SPAG16: variants seen among roughly 807,000 people sequenced by gnomAD.
SPAG16 encodes the protein sperm associated antigen 16, also known as sperm-associated antigen 16 protein.
Under a neutral mutation model 80.4 loss-of-function variants are expected in SPAG16, and 86 were observed. The ratio of observed to expected loss-of-function variants is 1.07; its 90% CI spans 0.90 to 1.28. The LOEUF (loss-of-function observed/expected upper bound fraction) is 1.28, where lower values mean the gene tolerates loss of function less well. Among genes scored for constraint, SPAG16 ranks in the 50% most tolerant of loss-of-function variants. The pLI is 0.00. For synonymous variants in SPAG16, 294 were observed against 265.9 expected (o/e 1.11, Z -1.03); for missense variants, 870 against 765.3 (o/e 1.14, Z -1.61).
intron 10 of SPAG16, among the ~76,000 whole-genome samples, chr2:213,647,875 G>A (rs920887546): frequency 6.6e-6 from 1 of 152,202 alleles, no homozygotes; most frequent in South Asian, 2.1e-4. Flanking sequence ...AGGCTCAGTT[G>A]CCTCCTTCAA....
chr2:213,307,770 C>T (rs2063011981), intron 3 of SPAG16, among the ~76,000 whole-genome samples: 1 of 151,998 alleles, frequency 6.6e-6, no homozygotes, highest in Non-Finnish European at 1.5e-5. Context: ...CACTGACTTC[C>T]ACAATGGTTG....
chr2:213,852,157 G>T (rs1385748019), intron 10 of SPAG16, among the ~76,000 whole-genome samples: 1 of 152,142 alleles, frequency 6.6e-6, no homozygotes, highest in African/African-American at 2.4e-5. Context: ...GAGGACAACT[G>T]TGAGTTGACC....
At chr2:214,361,112 A>C (rs1166258426) in intron 15 of SPAG16, among the ~76,000 whole-genome samples, 3 of 151,878 alleles carry the variant, frequency 2.0e-5, no homozygotes, top group Non-Finnish European at 4.4e-5. Flanking sequence ...GCTTTTAGGT[A>C]GATAGGGAAA....
At chr2:213,483,392 G>A (rs572173317) in intron 9 of SPAG16, among the ~76,000 whole-genome samples, 2 of 152,278 alleles carry the variant, frequency 1.3e-5, no homozygotes, top group South Asian at 4.1e-4. Context: ...TTTCTAGAAA[G>A]TTTGCATTAT....
Position 214,082,417 on chromosome 2 carries a change from G to A in SPAG16, c.1528-25779G>A, listed in dbSNP as rs541334448. On this transcript the variant is annotated intron_variant, in intron 13 of 15. Transcript: ENST00000331683. Reference sequence around the variant, plus strand: ...CTCATGACTTTTGGGAACCTGATACGTTGACTCTTAATACTACTTTAGTTA... The same window carrying A: ...CTCATGACTTTTGGGAACCTGATACATTGACTCTTAATACTACTTTAGTTA... Among the ~76,000 whole-genome samples the A allele has an allele frequency of 5.8e-4, 89 of 152,226 alleles. No homozygotes were observed. The South Asian group carries it at 0.015, about 26-fold the overall frequency.
At chr2:214,371,340 C>T (rs979020693) in intron 15 of SPAG16, among the ~76,000 whole-genome samples, 1 of 151,894 alleles carries the variant, frequency 6.6e-6, no homozygotes, top group African/African-American at 2.4e-5. Context: ...CAAGACCAGC[C>T]TGACCAACAT....
chr2:214,080,634 T>G (rs561996308), intron 13 of SPAG16, among the ~76,000 whole-genome samples: 240 of 149,908 alleles, frequency 1.6e-3, no homozygotes, highest in African/African-American at 5.2e-3. Flanking sequence ...TAAAATAAAA[T>G]AAAAAGAAAA....
intron 15 of SPAG16, among the ~76,000 whole-genome samples, chr2:214,176,814 G>A (rs2057100206): frequency 6.6e-6 from 1 of 150,918 alleles, no homozygotes; most frequent in African/African-American, 2.4e-5. Flanking sequence ...TTGAATGTGT[G>A]TGTGTGTGTG....
At chr2:213,911,441 T>C (rs535775318) in intron 11 of SPAG16, among the ~76,000 whole-genome samples, 1 of 152,272 alleles carries the variant, frequency 6.6e-6, no homozygotes, top group Non-Finnish European at 1.5e-5. Flanking sequence ...CACGGTGCCC[T>C]GCCAATAGTT....
chr2:213,770,300 G>A (rs1356933249), intron 10 of SPAG16, among the ~76,000 whole-genome samples: 2 of 152,006 alleles, frequency 1.3e-5, no homozygotes, highest in African/African-American at 2.4e-5. Flanking sequence ...ATACCTAGAA[G>A]TGGAATTGCT....
In SPAG16 at chr2:214,009,020, C is replaced by T. The variant is rs1457333304; in HGVS notation, c.1401-4931C>T. Among the ~76,000 whole-genome samples, 4 of 152,168 alleles carry T rather than the reference C, an allele frequency of 2.6e-5. No homozygotes were observed. In the East Asian group the frequency reaches 7.7e-4, roughly 29 times the overall value. The stretch of plus-strand genomic sequence containing the variant: ...TGAGATATGCAGTAAATTATCTCCA[C>T]TTCACCCAGGATTAAACTCCAGAGT... On this transcript the variant is annotated intron_variant, in intron 12 of 15. Coordinates refer to ENST00000331683, the MANE Select transcript of SPAG16 (RefSeq NM_024532.5).
intron 12 of SPAG16, among the ~76,000 whole-genome samples, chr2:213,957,574 G>C (rs1213076299): frequency 6.6e-6 from 1 of 151,900 alleles, no homozygotes; most frequent in Non-Finnish European, 1.5e-5. Context: ...TCATTGGAGA[G>C]TTTAATCCAT....
intron 9 of SPAG16, among the ~76,000 whole-genome samples, chr2:213,378,447 C>T (rs779781324): frequency 4.6e-5 from 7 of 152,164 alleles, no homozygotes; most frequent in Non-Finnish European, 7.3e-5. Context: ...AACTATCCTT[C>T]GTACAACCAG....
At chr2:213,350,941 T>C (rs1399671725) in intron 7 of SPAG16, among the ~76,000 whole-genome samples, 4 of 149,274 alleles carry the variant, frequency 2.7e-5, no homozygotes, top group South Asian at 2.1e-4. Flanking sequence ...CTGGCCAATA[T>C]GGTGAAAACC....
chr2:213,720,887 A>G (rs1228784348), intron 10 of SPAG16, among the ~76,000 whole-genome samples: 1 of 149,642 alleles, frequency 6.7e-6, no homozygotes, highest in Admixed American at 6.7e-5. Flanking sequence ...CTGGGACTAC[A>G]GTTGCCTGCC....
chr2:213,629,999 C>G (rs1372638061), intron 10 of SPAG16, among the ~76,000 whole-genome samples: 1 of 152,220 alleles, frequency 6.6e-6, no homozygotes, highest in Non-Finnish European at 1.5e-5. Context: ...ACTATTTTCT[C>G]ATTTGCTTCA....
chr2:214,288,122 T>C lies in SPAG16; in HGVS notation c.1721-122018T>C, dbSNP rs115003103. On this transcript the variant is annotated intron_variant, in intron 15 of 15. Transcript: ENST00000331683. Reference sequence around the variant, plus strand: ...CTGGCATCTATAATTCTATTCTCTGTCTCCATGAGATCAACTTTTTTAGCT... The same window carrying C: ...CTGGCATCTATAATTCTATTCTCTGCCTCCATGAGATCAACTTTTTTAGCT... Among the ~76,000 whole-genome samples, 3 of 151,810 alleles carry C rather than the reference T, an allele frequency of 2.0e-5. No homozygotes were observed. The South Asian group carries it at 6.3e-4, about 32-fold the overall frequency.
chr2:214,351,388 C>CTG (rs140584779), intron 15 of SPAG16, among the ~76,000 whole-genome samples: 3,220 of 151,268 alleles, frequency 0.021, 40 homozygotes, highest in Middle Eastern at 0.031. Flanking sequence ...GTCTGTGTGT[C>CTG]TGTGTGTGTG....
intron 15 of SPAG16, among the ~76,000 whole-genome samples, chr2:214,182,334 C>T (rs10174341): frequency 0.87 from 131,547 of 151,688 alleles, 57,156 homozygotes; most frequent in African/African-American, 0.93. Flanking sequence ...CCAATGCCTC[C>T]AGTAGTACAC....
Sources: allele counts gnomAD v4.1 joint callset (sites outside exome capture counted in the v4.1 genomes callset), GRCh38; gene constraint gnomAD v4.1.1; transcripts MANE v1.5; gene names NCBI Gene and HGNC (gene_info 2026-07-23, HGNC 2026-07-21).